The following NAALADL2 variants were observed in gnomAD, a reference collection of about 807,000 sequenced individuals.
NAALADL2 encodes the protein N-acetylated alpha-linked acidic dipeptidase like 2.
In NAALADL2, 76 loss-of-function variants were observed where a neutral mutation model predicts 87.2. That is an observed-to-expected ratio of 0.87 (90% confidence interval 0.72 to 1.05). The LOEUF (loss-of-function observed/expected upper bound fraction) is 1.05. NAALADL2 is among the 50% of genes least tolerant of loss of function. NAALADL2 has a pLI of 0.00. For synonymous variants in NAALADL2, 354 were observed against 331.0 expected, an observed-to-expected ratio of 1.07 and a Z score of -0.75; for missense variants, 1,089 against 945.8, an observed-to-expected ratio of 1.15 and a Z score of -1.99.
intron 10 of NAALADL2, among the ~76,000 whole-genome samples, chr3:175,582,509 T>G (rs538918811): frequency 6.6e-6 from 1 of 152,200 alleles, no homozygotes; most frequent in South Asian, 2.1e-4. Context: ...AAAGCCTTTT[T>G]AAAAATAATT....
chr3:174,886,375 C>T (rs558810623), intron 1 of NAALADL2, among the ~76,000 whole-genome samples: 109 of 152,148 alleles, frequency 7.2e-4, no homozygotes, highest in Non-Finnish European at 1.4e-3. Context: ...TAGATTGTGC[C>T]CACCCAGATT....
intron 4 of NAALADL2, among the ~76,000 whole-genome samples, chr3:175,285,843 T>C (rs1253781204): frequency 6.6e-6 from 1 of 152,176 alleles, no homozygotes; most frequent in Non-Finnish European, 1.5e-5. Context: ...CACTAATATA[T>C]ATTAACCACT....
intron 1 of NAALADL2, among the ~76,000 whole-genome samples, chr3:174,879,435 A>T (rs1265157411): frequency 6.6e-6 from 1 of 152,050 alleles, no homozygotes; most frequent in Admixed American, 6.6e-5. Flanking sequence ...CATATTCTTA[A>T]TTGTCTCTGA....
chr3:174,991,011 A>G (rs1235789493), intron 1 of NAALADL2, among the ~76,000 whole-genome samples: 1 of 152,206 alleles, frequency 6.6e-6, no homozygotes, highest in Non-Finnish European at 1.5e-5. Context: ...GCATTTATGT[A>G]TGCATTATAC....
chr3:174,853,494 A>T (rs1382896712), intron 3 of NAALADL2, among the ~76,000 whole-genome samples: 1 of 152,018 alleles, frequency 6.6e-6, no homozygotes, highest in Admixed American at 6.6e-5. Context: ...CATGACTAAA[A>T]CCTCAAAAGC....
chr3:175,240,560 A>G (rs2109590835), intron 3 of NAALADL2, among the ~76,000 whole-genome samples: 1 of 152,360 alleles, frequency 6.6e-6, no homozygotes, highest in Middle Eastern at 3.4e-3. Context: ...GAGAAGTGGA[A>G]TGGAACTGTA....
chr3:175,716,628 G>A (rs1351509673), intron 11 of NAALADL2, among the ~76,000 whole-genome samples: 2 of 152,204 alleles, frequency 1.3e-5, no homozygotes, highest in Non-Finnish European at 2.9e-5. Flanking sequence ...GTCTTAGAAT[G>A]TCTGGAACAT....
intron 2 of NAALADL2, among the ~76,000 whole-genome samples, chr3:174,672,042 C>G (rs766781509): frequency 2.0e-5 from 3 of 151,932 alleles, no homozygotes; most frequent in Non-Finnish European, 4.4e-5. Flanking sequence ...TGTGGATATA[C>G]ATTGCCTAAA....
chr3:175,234,250 G>A (rs1745456179), intron 3 of NAALADL2, 46 bp downstream of exon 3: 1 of 1,565,112 alleles, frequency 6.4e-7, no homozygotes, highest in Admixed American at 1.8e-5. Context: ...GATGGAATTA[G>A]AAAATAACAG....
At chr3:174,463,642 C>T (rs951701381) in intron 1 of NAALADL2, among the ~76,000 whole-genome samples, 1 of 148,592 alleles carries the variant, frequency 6.7e-6, no homozygotes, top group Admixed American at 6.8e-5. Context: ...GCTCTGTCAC[C>T]CAGGCTAGAG....
chr3:174,938,988 G>A (rs1278550369), intron 1 of NAALADL2, among the ~76,000 whole-genome samples: 2 of 151,982 alleles, frequency 1.3e-5, no homozygotes, highest in South Asian at 2.1e-4. Context: ...GTACTCTTTT[G>A]CTGTGCAGAA....
At chr3:175,097,325 C>G (rs764812137) in intron 2 of NAALADL2, 34 bp downstream of exon 2, 1 of 1,568,900 alleles carries the variant, frequency 6.4e-7, no homozygotes, top group South Asian at 1.2e-5. Context: ...TGTTTGAATG[C>G]ATTTCTTGGG....
At chr3:175,230,590 G>T (rs1413104366) in intron 2 of NAALADL2, among the ~76,000 whole-genome samples, 4 of 152,042 alleles carry the variant, frequency 2.6e-5, no homozygotes, top group Admixed American at 1.3e-4. Context: ...ATTGTAGAGC[G>T]GAAATTAGAT....
chr3:175,785,830 C>T (rs890305621), intron 13 of NAALADL2, among the ~76,000 whole-genome samples: 2 of 150,838 alleles, frequency 1.3e-5, no homozygotes, highest in African/African-American at 5.0e-5. Context: ...CATGATTTTG[C>T]AGTGGCTGGT....
intron 4 of NAALADL2, chr3:175,271,148 A>G (rs2110007619): frequency 6.6e-6 from 1 of 152,328 alleles, no homozygotes; most frequent in Admixed American, 6.5e-5. Context: ...AGCAAAGTCT[A>G]TGAGAATCAT....
chr3:174,854,808 A>G (rs1216799616), upstream of NAALADL2, among the ~76,000 whole-genome samples: 8 of 150,860 alleles, frequency 5.3e-5, no homozygotes, highest in Admixed American at 5.3e-4. Context: ...CGTACTTTAC[A>G]TAATTGTATG....
chr3:175,520,204 A>G (rs1732429957), intron 9 of NAALADL2, among the ~76,000 whole-genome samples: 1 of 152,036 alleles, frequency 6.6e-6, no homozygotes, highest in Admixed American at 6.6e-5. Flanking sequence ...ATAAAGGAAT[A>G]GGGATGGAAG....
chr3:175,163,295 T>C (rs774544711), intron 2 of NAALADL2, among the ~76,000 whole-genome samples: 1 of 152,216 alleles, frequency 6.6e-6, no homozygotes, highest in African/African-American at 2.4e-5. Context: ...CTTTTTTACA[T>C]CCAGATTGTA....
At chr3:174,548,352 G>A (rs916452963) in intron 1 of NAALADL2, among the ~76,000 whole-genome samples, 6 of 151,990 alleles carry the variant, frequency 3.9e-5, no homozygotes, top group Admixed American at 1.3e-4. Context: ...ACAGTATAAA[G>A]TGGGTTCAAA....
Sources: allele counts gnomAD v4.1 joint callset (sites outside exome capture counted in the v4.1 genomes callset), GRCh38; gene constraint gnomAD v4.1.1; transcripts MANE v1.5; gene names NCBI Gene and HGNC (gene_info 2026-07-23, HGNC 2026-07-21).